The following HERC1 variants were observed in gnomAD, a reference collection of about 807,000 sequenced individuals.
HERC1 encodes probable E3 ubiquitin-protein ligase HERC1.
Under a neutral mutation model 554.3 loss-of-function variants are expected in HERC1, and 160 were observed. The ratio of observed to expected loss-of-function variants is 0.29; its 90% confidence interval spans 0.25 to 0.33. The LOEUF (loss-of-function observed/expected upper bound fraction) is 0.33, where lower values mean the gene tolerates loss of function less well. HERC1 is among the 10% of genes least tolerant of loss of function. HERC1 has a pLI of 1.00. For synonymous variants in HERC1, 2,175 were observed against 2,131.7 expected (o/e 1.02, Z -0.56); for missense variants, 4,919 against 5,918.5 (o/e 0.83, Z 5.54).
chr15:63,645,850 C>T (rs1290740085), intron 55 of HERC1, among the ~76,000 whole-genome samples, 168 bp from the exon 56 acceptor site: 1 of 152,234 alleles, frequency 6.6e-6, no homozygotes, highest in African/African-American at 2.4e-5. Flanking sequence ...TTCCCAATCA[C>T]TAGACCAACT....
At chr15:63,822,149 T>G (rs565281250) in intron 1 of HERC1, among the ~76,000 whole-genome samples, 86 of 152,310 alleles carry the variant, frequency 5.6e-4, no homozygotes, top group South Asian at 4.1e-3. Flanking sequence ...CCTGGGAGTC[T>G]GCCTGGCCCG....
intron 64 of HERC1, chr15:63,636,907 T>C (rs1292015538): frequency 1.4e-5 from 4 of 288,008 alleles, no homozygotes; most frequent in African/African-American, 8.7e-5. Context: ...ACTGCTGTGC[T>C]CTTCACACTC....
intron 31 of HERC1, among the ~76,000 whole-genome samples, chr15:63,691,637 T>C (rs1207861462): frequency 1.3e-5 from 2 of 151,372 alleles, no homozygotes; most frequent in Non-Finnish European, 2.9e-5. Context: ...CTTACCTTAT[T>C]AAAGGAAAAA....
chr15:63,743,838 G>C (rs1014620513), intron 12 of HERC1, among the ~76,000 whole-genome samples: 4 of 152,152 alleles, frequency 2.6e-5, no homozygotes, highest in Non-Finnish European at 5.9e-5. Flanking sequence ...TGGTTCATTT[G>C]GTTAGGTCAT....
chr15:63,689,731 G>GT, intron 32 of HERC1, 32 bp from the exon 33 acceptor site: 1 of 1,288,082 alleles, frequency 7.8e-7, no homozygotes, highest in Non-Finnish European at 1.1e-6. Context: ...GATAAAATTT[G>GT]TAAAAAGTAA....
intron 74 of HERC1, among the ~76,000 whole-genome samples, chr15:63,619,154 T>G (rs1202792486): frequency 6.6e-6 from 1 of 152,218 alleles, no homozygotes; most frequent in East Asian, 1.9e-4. Context: ...GCTCTTACTA[T>G]TTTGAGATAT....
At chr15:63,813,384 C>A (rs7178104) in intron 1 of HERC1, among the ~76,000 whole-genome samples, 1 of 151,224 alleles carries the variant, frequency 6.6e-6, no homozygotes, top group Non-Finnish European at 1.5e-5. Context: ...AGAGCCCATA[C>A]ATAGATTACT....
chr15:63,718,489 A>G lies in HERC1; in HGVS notation c.3978+85T>C. On this transcript the variant is annotated intron_variant, in intron 21 of 77. Coordinates refer to ENST00000443617, the MANE Select transcript of HERC1 (RefSeq NM_003922.4). This position sits in a 1 kb window ranked among gnomAD's most constrained non-coding sequence, Gnocchi z 4.2. The stretch of plus-strand genomic sequence containing the variant: ...ATTGAACATATGCAATAACCAAGGC[A>G]CATTTTTTTCTCACATAAACCAATT... 1 of 1,334,506 alleles carries G rather than the reference A, an allele frequency of 7.5e-7. No homozygotes were observed. Among genetic ancestry groups the G allele is most frequent in the South Asian group, 1.5e-5 (1 of 65,524 alleles). 82.7% of individuals were successfully genotyped at this position (1,334,506 alleles called of 1,614,324 possible). A position where few individuals can be genotyped will look rare whatever the true frequency, so the allele number is the denominator to read the frequency against.
intron 12 of HERC1, among the ~76,000 whole-genome samples, chr15:63,738,703 A>G (rs1050726715): frequency 6.6e-6 from 1 of 152,236 alleles, no homozygotes; most frequent in Non-Finnish European, 1.5e-5. Context: ...AGCTGTAAAC[A>G]GAAACAGCCT....
chr15:63,746,746 T>C (rs1384514363), intron 12 of HERC1, among the ~76,000 whole-genome samples, 172 bp downstream of exon 12: 1 of 152,240 alleles, frequency 6.6e-6, no homozygotes, highest in African/African-American at 2.4e-5. Flanking sequence ...AGATGGCATC[T>C]GACCTTTGTC....
At chr15:63,689,820 C>A in intron 32 of HERC1, 121 bp from the exon 33 acceptor site, 1 of 552,914 alleles carries the variant, frequency 1.8e-6, no homozygotes. Flanking sequence ...TACCAGTGTT[C>A]AACAGCTACT....
intron 30 of HERC1, among the ~76,000 whole-genome samples, chr15:63,693,105 G>C (rs2072207581): frequency 6.6e-6 from 1 of 152,130 alleles, no homozygotes; most frequent in Non-Finnish European, 1.5e-5. Flanking sequence ...TTGAACCTGG[G>C]AGGCAGAGGT....
rs1450258478 is a variant in HERC1 at position 63,733,078 on chromosome 15, T to C, written c.2714A>G (p.Tyr905Cys). ...DHTHVASLLG[Y>C]SSPSDAADLS... ...GTCAGCAGCATCAGAGGGTGAACTA[T>C]AGCCAAGTAGGGAGGCTACGTGGGT... is the stretch of plus-strand genomic sequence containing the variant. Residue 905 changes from tyrosine (Y) to cysteine (C), a missense_variant, in exon 14 of 78, where the codon TAT (tyrosine) becomes TGT (cysteine). Physicochemically the swap from Tyr to Cys is radical, Grantham distance 194. This residue lies in a region of HERC1 where 744 missense variants were observed against 1,090.0 expected (regional missense o/e 0.68). Coordinates refer to ENST00000443617, the MANE Select transcript of HERC1 (RefSeq NM_003922.4). 4 of 1,613,978 alleles carry C rather than the reference T, an allele frequency of 2.5e-6. No individual in the cohort carries two copies. The highest frequency in any genetic ancestry group is 2.2e-5 in the South Asian group (2 of 91,086).
At position 63,749,343 on chromosome 15, in the gene HERC1, A is replaced by C. The variant is rs1472680371; in HGVS notation, c.2219+24T>G. The C allele has an allele frequency of 5.2e-6, 8 of 1,546,428 alleles. No individual in the cohort carries two copies. Among genetic ancestry groups the C allele is most frequent in the Admixed American group, 2.2e-5 (1 of 45,326 alleles). On this transcript the variant is annotated intron_variant, in intron 10 of 77. Transcript: ENST00000443617. The surrounding 1 kb of genome is among the most constrained non-coding windows in gnomAD (Gnocchi z 4.1). The stretch of plus-strand genomic sequence containing the variant: ...GGTGTTTATGTTAAAACACACAAGA[A>C]TTTTTAAACATAGGCACTCTTACCT...
At chr15:63,624,396 A>C in intron 71 of HERC1, 69 bp from the exon 72 acceptor site, 1 of 1,406,282 alleles carries the variant, frequency 7.1e-7, no homozygotes, top group Non-Finnish European at 9.7e-7. Flanking sequence ...ATTTTCACTT[A>C]TAGAACATAC....
intron 25 of HERC1, among the ~76,000 whole-genome samples, chr15:63,702,377 C>T (rs2072765183): frequency 6.6e-6 from 1 of 152,076 alleles, no homozygotes; most frequent in South Asian, 2.1e-4. Context: ...ATTATTTTAG[C>T]AATAAAACCC....
intron 27 of HERC1, 150 bp from the exon 28 acceptor site, chr15:63,695,044 A>AT (rs533842379): frequency 6.6e-4 from 407 of 615,646 alleles, no homozygotes; most frequent in Non-Finnish European, 7.7e-4. Context: ...GTATATAATA[A>AT]TTTTTTTTTG....
chr15:63,630,546 C>G lies in HERC1; in HGVS notation c.12886G>C (p.Val4296Leu). The G allele has an allele frequency of 6.2e-7, 1 of 1,614,042 alleles. No individual in the cohort carries two copies. The highest frequency in any genetic ancestry group is 8.5e-7 in the Non-Finnish European group (1 of 1,179,886). The change falls in exon 69 of 78, where the codon GTG becomes CTG. Residue 4296 changes from valine (V) to leucine (L), a missense_variant. By Grantham distance (32) the Val-to-Leu change is conservative. Coordinates refer to ENST00000443617, the MANE Select transcript of HERC1 (RefSeq NM_003922.4). Reference protein sequence around the residue: ...PVLAGVIIEDVAVGAEHTLAL... With the variant: ...PVLAGVIIEDLAVGAEHTLAL... Reference sequence around the variant, plus strand: ...AGTGTGTGTTCAGCTCCAACTGCCACATCTTCTATGATTACTCCAGCCAGG... The same window carrying G: ...AGTGTGTGTTCAGCTCCAACTGCCAGATCTTCTATGATTACTCCAGCCAGG...
At chr15:63,716,601 AC>A in intron 21 of HERC1, 128 bp from the exon 22 acceptor site, 1 of 694,988 alleles carries the variant, frequency 1.4e-6, no homozygotes, top group Non-Finnish European at 2.3e-6. Context: ...GAACTTTACT[AC>A]AAAAACCCAA....
Sources: allele counts gnomAD v4.1 joint callset (sites outside exome capture counted in the v4.1 genomes callset), GRCh38; gene constraint gnomAD v4.1.1; regional missense constraint gnomAD v4.1.1; non-coding constraint Gnocchi (gnomAD v3.1); transcripts MANE v1.5; gene names NCBI Gene and HGNC (gene_info 2026-07-23, HGNC 2026-07-21).